The following ZFYVE16 variants were observed in gnomAD, a reference collection of about 807,000 sequenced individuals.
The protein encoded by ZFYVE16 is zinc finger FYVE-type containing 16.
In ZFYVE16, 89 loss-of-function variants were observed where a neutral mutation model predicts 138.1. The observed-to-expected ratio is 0.64, with a 90% CI of 0.54 to 0.77. ZFYVE16 has a LOEUF of 0.77. Ranked by LOEUF, ZFYVE16 falls within the 30% of genes least tolerant of loss-of-function variation. The pLI is 0.00. For missense variants in ZFYVE16, 1,793 were observed against 1,786.7 expected, an observed-to-expected ratio of 1.00 and a Z score of -0.06; for synonymous variants, 596 against 618.3, an observed-to-expected ratio of 0.96 and a Z score of 0.53.
chr5:80,445,206 A>C, intron 6 of ZFYVE16, 57 bp from the exon 7 acceptor site: 1 of 1,579,066 alleles, frequency 6.3e-7, no homozygotes, highest in East Asian at 2.3e-5. Context: ...TCTTTTTGGC[A>C]TTAAATCATT....
In ZFYVE16 at chr5:80,482,139, A is replaced by C. The variant is rs1430038932; in HGVS notation, c.*4762A>C. On this transcript the variant is annotated 3_prime_UTR_variant, in exon 19 of 19. Transcript: ENST00000505560. ...CCTGGCCGTTAAACTAGTTATTTTA[A>C]TCATGCTACACAAAGAAGACATTTC... Among the ~76,000 whole-genome samples, 1 of 152,238 alleles carries C rather than the reference A, an allele frequency of 6.6e-6. No individual in the cohort carries two copies. The highest frequency in any genetic ancestry group is 2.4e-5 in the African/African-American group (1 of 41,476).
intron 15 of ZFYVE16, among the ~76,000 whole-genome samples, chr5:80,472,516 A>C (rs1436998157): frequency 6.6e-6 from 1 of 151,934 alleles, no homozygotes; most frequent in Non-Finnish European, 1.5e-5. Flanking sequence ...TGACAGGGCT[A>C]TCTGGTACCA....
intron 2 of ZFYVE16, among the ~76,000 whole-genome samples, chr5:80,430,192 A>G (rs1235112351): frequency 1.3e-5 from 2 of 152,216 alleles, no homozygotes; most frequent in African/African-American, 4.8e-5. Flanking sequence ...GTTAGAAGTA[A>G]AGCACTCCTC....
chr5:80,477,209 T>G lies in ZFYVE16; in HGVS notation c.4462-10T>G, dbSNP rs166062. ...CTCATTTTCTTATCAAGAATTTTTT[T>G]TTTTTCTAGGTTGAATTTCAGGCAG... On this transcript the variant is annotated splice_polypyrimidine_tract_variant and intron_variant, in intron 18 of 18. Transcript: ENST00000505560. 0.89 allele frequency: 1,390,930 copies of G among 1,570,264 alleles called. 623,375 individuals carry two copies. The highest frequency in any genetic ancestry group is 0.95 in the East Asian group (41,093 of 43,450).
At chr5:80,413,348 G>A (rs1293730127) in intron 1 of ZFYVE16, among the ~76,000 whole-genome samples, 1 of 151,966 alleles carries the variant, frequency 6.6e-6, no homozygotes, top group African/African-American at 2.4e-5. Context: ...GCGCATGCCT[G>A]TAATCCCAGC....
intron 3 of ZFYVE16, among the ~76,000 whole-genome samples, chr5:80,436,419 A>T (rs193277935): frequency 6.6e-6 from 1 of 152,320 alleles, no homozygotes; most frequent in African/African-American, 2.4e-5. Flanking sequence ...TCGTTTATGC[A>T]GTCAGTTAGT....
intron 5 of ZFYVE16, among the ~76,000 whole-genome samples, chr5:80,442,709 CAACTT>C (rs1227193643): frequency 6.6e-6 from 1 of 152,090 alleles, no homozygotes; most frequent in Non-Finnish European, 1.5e-5. Context: ...GCCATTGTAA[CAACTT>C]AAATTTTCAC....
chr5:80,413,490 A>G (rs570996718), intron 1 of ZFYVE16, among the ~76,000 whole-genome samples: 15 of 151,448 alleles, frequency 9.9e-5, no homozygotes, highest in Non-Finnish European at 2.1e-4. Context: ...AAAAAAGAAA[A>G]AAAAAAGAGA....
In ZFYVE16 at chr5:80,474,787, G is replaced by A; in HGVS notation, c.4418G>A (p.Gly1473Glu). Reference protein sequence around the residue: ...CPHLKTLKSNGMNKIGLRVSI... With the variant: ...CPHLKTLKSNEMNKIGLRVSI... ...CACCTGAAAACTCTAAAAAGTAATG[G>A]GATGAATAAAATTGGACTCAGAGTT... is the stretch of plus-strand genomic sequence containing the variant. The change falls in exon 18 of 19, where the codon GGG (glycine) becomes GAG (glutamate). Residue 1473 changes from glycine to glutamate, a missense_variant. Around this residue, in one of 2 missense-constraint regions of ZFYVE16, gnomAD observed 498 missense variants for 582.4 expected, o/e 0.86. Coordinates refer to ENST00000505560, the MANE Select transcript of ZFYVE16 (RefSeq NM_001284236.3). The A allele has an allele frequency of 1.2e-6, 2 of 1,613,370 alleles. No homozygotes were observed. Among genetic ancestry groups the A allele is most frequent in the Non-Finnish European group, 1.7e-6 (2 of 1,179,596 alleles).
In ZFYVE16 at chr5:80,438,414, A is replaced by G. The variant is rs141588548; in HGVS notation, c.1729A>G (p.Ile577Val). 1.8e-5 allele frequency: 29 copies of G among 1,613,730 alleles called. No individual in the cohort carries two copies. The highest frequency in any genetic ancestry group is 2.5e-5 in the Non-Finnish European group (29 of 1,179,800). ...CTTAGATGATGGAAACATCAATAATATATATTTCAATGCAGAAGCAGGAGC... is the reference window on the plus strand; with the variant it reads ...CTTAGATGATGGAAACATCAATAATGTATATTTCAATGCAGAAGCAGGAGC... ...KGLDDGNINN[I>V]YFNAEAGAIG... The change falls in exon 4 of 19, where the codon ATA (isoleucine) becomes GTA (valine). Residue 577 changes from isoleucine (I) to valine (V), a missense_variant. Physicochemically the swap from Ile to Val is conservative, Grantham distance 29. Coordinates refer to ENST00000505560, the MANE Select transcript of ZFYVE16 (RefSeq NM_001284236.3).
intron 15 of ZFYVE16, 57 bp from the exon 16 acceptor site, chr5:80,472,704 T>G: frequency 6.6e-7 from 1 of 1,507,830 alleles, no homozygotes; most frequent in Non-Finnish European, 9.0e-7. Context: ...ATTTTATGGC[T>G]TAGATATACA....
At chr5:80,474,305 T>C (rs889254273) in intron 17 of ZFYVE16, among the ~76,000 whole-genome samples, 15 of 152,178 alleles carry the variant, frequency 9.9e-5, no homozygotes, top group African/African-American at 3.1e-4. Flanking sequence ...TTATTTCTTA[T>C]GCATTCTTTG....
chr5:80,430,236 T>G (rs1471911501), intron 2 of ZFYVE16, among the ~76,000 whole-genome samples: 2 of 152,096 alleles, frequency 1.3e-5, no homozygotes, highest in Non-Finnish European at 2.9e-5. Context: ...TATAACAAAC[T>G]GTCTCTCAGA....
intron 11 of ZFYVE16, among the ~76,000 whole-genome samples, chr5:80,453,670 C>T (rs1752214238): frequency 6.6e-6 from 1 of 152,110 alleles, no homozygotes; most frequent in Non-Finnish European, 1.5e-5. Flanking sequence ...GGCACTTTGA[C>T]ATTGTTGGTG....
intron 1 of ZFYVE16, among the ~76,000 whole-genome samples, chr5:80,413,381 GA>G (rs1213081058): frequency 1.3e-5 from 2 of 148,912 alleles, no homozygotes; most frequent in Admixed American, 6.9e-5. Context: ...TGAGGCAGGA[GA>G]ATCGCTTGAA....
intron 13 of ZFYVE16, 147 bp from the exon 14 acceptor site, chr5:80,456,797 TA>T: frequency 1.9e-6 from 2 of 1,036,598 alleles, no homozygotes; most frequent in Non-Finnish European, 1.4e-6. Flanking sequence ...GCTTTTATTT[TA>T]AAACATTTGT....
At chr5:80,449,549 C>T (rs1446834855) in intron 8 of ZFYVE16, 42 bp from the exon 9 acceptor site, 3 of 1,556,378 alleles carry the variant, frequency 1.9e-6, no homozygotes, top group Admixed American at 4.3e-5. Flanking sequence ...GCATATTTAA[C>T]AGGATATTTA....
chr5:80,477,005 A>G (rs1231931239), intron 18 of ZFYVE16, among the ~76,000 whole-genome samples: 2 of 152,160 alleles, frequency 1.3e-5, no homozygotes, highest in Non-Finnish European at 2.9e-5. Context: ...CATAGTGGCA[A>G]TTTTATCTTT....
chr5:80,469,887 G>T (rs1281952863), intron 15 of ZFYVE16, among the ~76,000 whole-genome samples: 2 of 150,454 alleles, frequency 1.3e-5, no homozygotes. Context: ...GTACTTTTCT[G>T]TTCCAGAATT....
Sources: gnomAD v4.1 joint callset for allele counts (sites outside exome capture counted in the v4.1 genomes callset) on GRCh38, gnomAD v4.1.1 for gene constraint, gnomAD v4.1.1 regional missense constraint, MANE v1.5 for transcripts, NCBI Gene and HGNC (gene_info 2026-07-23, HGNC 2026-07-21) for gene names.